Variants in RALGPS1 observed in about 807,000 individuals in gnomAD.
The protein encoded by RALGPS1 is Ral GEF with PH domain and SH3 binding motif 1.
RALGPS1 carries 19 observed loss-of-function variants against 78.8 expected under a neutral mutation model. That is an observed-to-expected ratio of 0.24 (90% confidence interval 0.17 to 0.35). The LOEUF is 0.35. Among genes scored for constraint, RALGPS1 ranks in the 10% least tolerant of loss-of-function variants. The pLI is 1.00. For missense variants in RALGPS1, 454 were observed against 688.3 expected (o/e 0.66, Z 3.81); for synonymous variants, 228 against 256.3 (o/e 0.89, Z 1.06).
chr9:126,975,299 G>A (rs2040500193), intron 3 of RALGPS1, among the ~76,000 whole-genome samples: 1 of 152,226 alleles, frequency 6.6e-6, no homozygotes, highest in African/African-American at 2.4e-5. Context: ...GCAGAGAGCA[G>A]AATATTTGAA....
chr9:126,928,767 GATTTTTGT>G (rs1159948771), intron 1 of RALGPS1, among the ~76,000 whole-genome samples: 3 of 151,898 alleles, frequency 2.0e-5, no homozygotes, highest in African/African-American at 4.8e-5. Context: ...ACACCTGCCT[GATTTTTGT>G]ATTTTTAGTA....
intron 6 of RALGPS1, among the ~76,000 whole-genome samples, chr9:127,051,884 ACAGT>A (rs1229311152): frequency 2.6e-5 from 4 of 152,206 alleles, no homozygotes; most frequent in Non-Finnish European, 4.4e-5. Flanking sequence ...CTGTGGGGAC[ACAGT>A]CAGGAAAGAC....
At chr9:127,093,528 G>T (rs551318598) in intron 8 of RALGPS1, among the ~76,000 whole-genome samples, 1 of 152,184 alleles carries the variant, frequency 6.6e-6, no homozygotes, top group African/African-American at 2.4e-5. Flanking sequence ...CAGAGGAGGC[G>T]CTGGTCCTCA....
intron 1 of RALGPS1, among the ~76,000 whole-genome samples, chr9:126,938,933 G>T (rs1445131187): frequency 1.3e-5 from 2 of 152,208 alleles, no homozygotes; most frequent in African/African-American, 4.8e-5. Context: ...ACTAGCCCCC[G>T]TTTTTGCTGG....
At chr9:127,084,809 G>T (rs2051538500) in intron 8 of RALGPS1, among the ~76,000 whole-genome samples, 1 of 152,240 alleles carries the variant, frequency 6.6e-6, no homozygotes, top group South Asian at 2.1e-4. Context: ...CTTTTATCTT[G>T]TCCTTAGCCT....
chr9:127,140,324 C>T (rs192769653), intron 8 of RALGPS1, among the ~76,000 whole-genome samples: 9 of 152,262 alleles, frequency 5.9e-5, no homozygotes, highest in Middle Eastern at 3.4e-3. Flanking sequence ...CAGAGCCGTC[C>T]GGGCACTTGT....
intron 1 of RALGPS1, among the ~76,000 whole-genome samples, chr9:126,948,992 G>T (rs2131670879): frequency 6.7e-6 from 1 of 149,938 alleles, no homozygotes; most frequent in East Asian, 2.0e-4. Flanking sequence ...ACAGTCCCCA[G>T]AGTGTGATGT....
chr9:127,093,934 C>A, intron 8 of RALGPS1: 1 of 1,612,952 alleles, frequency 6.2e-7, no homozygotes, highest in Non-Finnish European at 8.5e-7. Context: ...GGCCTGGGGA[C>A]ACAGACATGC....
chr9:126,977,816 T>A, intron 4 of RALGPS1, 71 bp downstream of exon 4: 1 of 1,127,450 alleles, frequency 8.9e-7, no homozygotes, highest in South Asian at 1.4e-5. Context: ...CAGCCACTGT[T>A]AGAGTGTCTC....
At chr9:127,123,060 T>A (rs2056305590) in intron 8 of RALGPS1, among the ~76,000 whole-genome samples, 2 of 152,208 alleles carry the variant, frequency 1.3e-5, no homozygotes, top group South Asian at 4.1e-4. Context: ...CAGCGGGTCC[T>A]CCCCCTGGAT....
In RALGPS1 at chr9:127,221,542, T is replaced by C. The variant is rs1431934239; in HGVS notation, c.*2773T>C. ...GTTTTGTCATTCAAGATCAGTCAGG[T>C]GCATTCTGGCAACTGACATACTTGA... On this transcript the variant is annotated 3_prime_UTR_variant, in exon 19 of 19. Transcript: ENST00000259351. 6.6e-6 allele frequency: 1 copy of C among 152,144 alleles called. No homozygotes were observed. The highest frequency in any genetic ancestry group is 1.5e-5 in the Non-Finnish European group (1 of 68,008). 9.4% of individuals were successfully genotyped at this position (152,144 alleles called of 1,614,324 possible).
intron 3 of RALGPS1, among the ~76,000 whole-genome samples, chr9:126,974,310 G>T (rs564552027): frequency 2.0e-5 from 3 of 152,182 alleles, no homozygotes; most frequent in Non-Finnish European, 4.4e-5. Context: ...CGGGCTTTCT[G>T]TGGTTCTGTG....
At chr9:127,173,190 C>T (rs1267056715) in intron 10 of RALGPS1, among the ~76,000 whole-genome samples, 1 of 152,200 alleles carries the variant, frequency 6.6e-6, no homozygotes, top group Non-Finnish European at 1.5e-5. Context: ...TTTCCTTCAC[C>T]TCGTTGGGGA....
At chr9:127,108,776 A>C in intron 8 of RALGPS1, 1 of 1,544,092 alleles carries the variant, frequency 6.5e-7, no homozygotes, top group Non-Finnish European at 8.7e-7. Context: ...AGAATCTATG[A>C]AAGCCTGAAA....
chr9:127,115,785 T>G (rs2055346362), intron 8 of RALGPS1, among the ~76,000 whole-genome samples: 1 of 152,226 alleles, frequency 6.6e-6, no homozygotes, highest in Non-Finnish European at 1.5e-5. Flanking sequence ...AGCTGCTTGA[T>G]CACGCAAGTG....
At chr9:127,034,590 C>G in intron 5 of RALGPS1, 76 bp downstream of exon 5, 2 of 1,308,848 alleles carry the variant, frequency 1.5e-6, no homozygotes, top group Non-Finnish European at 2.2e-6. Flanking sequence ...AGCCCCCACC[C>G]AAAGCTGTCT....
intron 8 of RALGPS1, among the ~76,000 whole-genome samples, chr9:127,078,060 C>T (rs1037706886): frequency 6.6e-6 from 1 of 152,204 alleles, no homozygotes; most frequent in African/African-American, 2.4e-5. Flanking sequence ...CAAATCTCCC[C>T]TTCCCTAAAT....
At chr9:126,962,204 A>T in intron 1 of RALGPS1, 21 bp from the exon 2 acceptor site, 1 of 1,379,720 alleles carries the variant, frequency 7.2e-7, no homozygotes, top group Non-Finnish European at 1.0e-6. Flanking sequence ...ACTGATTTTT[A>T]TGAGCCCCTT....
intron 4 of RALGPS1, among the ~76,000 whole-genome samples, chr9:127,001,614 G>T (rs1057317464): frequency 6.6e-6 from 1 of 152,018 alleles, no homozygotes; most frequent in Non-Finnish European, 1.5e-5. Context: ...GGCTGGGCGC[G>T]GTGGCTCACA....
Sources: allele counts gnomAD v4.1 joint callset (sites outside exome capture counted in the v4.1 genomes callset), GRCh38; gene constraint gnomAD v4.1.1; transcripts MANE v1.5; gene names NCBI Gene and HGNC (gene_info 2026-07-23, HGNC 2026-07-21).